Variants in GPAT3 observed in about 807,000 individuals in gnomAD.
GPAT3 encodes the protein glycerol-3-phosphate acyltransferase 3.
GPAT3 carries 53 observed loss-of-function variants against 58.8 expected under a neutral mutation model. The observed-to-expected ratio is 0.90, with a 90% confidence interval of 0.72 to 1.13. The LOEUF is 1.13. Among genes scored for constraint, GPAT3 ranks in the 50% most tolerant of loss-of-function variants. The pLI is 0.00. For synonymous variants in GPAT3, 197 were observed against 187.4 expected, an observed-to-expected ratio of 1.05 and a Z score of -0.42; for missense variants, 511 against 527.6, an observed-to-expected ratio of 0.97 and a Z score of 0.31.
rs574446177 is a variant in GPAT3, at chr4:83,555,417, T to A, written c.208+10815T>A. Among the ~76,000 whole-genome samples, 15 of 152,068 alleles carry A rather than the reference T, an allele frequency of 9.9e-5. No homozygotes were observed. In the East Asian group the frequency reaches 2.9e-3, roughly 29 times the overall value. ...CATTTAATCATTTTATGGAAGCTGA[T>A]GTCATGAAGCTTCCATAAAAACTAA... On this transcript the variant is annotated intron_variant, in intron 2 of 11. Coordinates refer to ENST00000264409, the MANE Select transcript of GPAT3 (RefSeq NM_032717.5).
At chr4:83,575,181 A>C (rs927570451) in intron 2 of GPAT3, among the ~76,000 whole-genome samples, 7 of 151,846 alleles carry the variant, frequency 4.6e-5, no homozygotes, top group African/African-American at 1.7e-4. Context: ...CGGCCAACGG[A>C]CATTTCTTGA....
chr4:83,581,586 C>A lies in GPAT3; in HGVS notation c.233C>A (p.Pro78His), dbSNP rs1441112753. The A allele has an allele frequency of 2.5e-6, 4 of 1,613,830 alleles. No homozygotes were observed. Among genetic ancestry groups the A allele is most frequent in the Non-Finnish European group, 3.4e-6 (4 of 1,179,978 alleles). The change falls in exon 3 of 12, where the codon CCC becomes CAC. Residue 78 changes from proline (P) to histidine (H), a missense_variant. Physicochemically the swap from Pro to His is moderately conservative, Grantham distance 77. Coordinates refer to ENST00000264409, the MANE Select transcript of GPAT3 (RefSeq NM_032717.5). Reference protein sequence around the residue: ...SVGIIQRDESPMEKGLSGLRG... With the variant: ...SVGIIQRDESHMEKGLSGLRG... ...GGTATTATCCAAAGAGATGAGTCAC[C>A]CATGGAAAAAGGGCTCTCTGGTCTA...
chr4:83,598,746 T>C (rs1286824815), intron 11 of GPAT3, 23 bp downstream of exon 11: 3 of 430,746 alleles, frequency 7.0e-6, no homozygotes, highest in Non-Finnish European at 8.8e-6. Flanking sequence ...TCAGAAGTAC[T>C]ATCACTTTTT....
Position 83,604,733 on chromosome 4 carries a change from G to A in GPAT3, c.1271G>A (p.Ser424Asn). The change falls in exon 12 of 12, where the codon AGC (serine) becomes AAC (asparagine). Residue 424 changes from serine (S) to asparagine (N), a missense_variant. Physicochemically the swap from Ser to Asn is conservative, Grantham distance 46. Transcript: ENST00000264409. ...IFKEEQQKNY[S>N]KMIVGNGSLS ...AAGGAAGAGCAGCAGAAAAATTACA[G>A]CAAGATGATTGTGGGCAATGGATCT... 6.2e-7 allele frequency: 1 copy of A among 1,613,998 alleles called. No homozygotes were observed. Among genetic ancestry groups the A allele is most frequent in the Non-Finnish European group, 8.5e-7 (1 of 1,179,938 alleles).
At chr4:83,540,370 T>C (rs1032708912) in intron 1 of GPAT3, among the ~76,000 whole-genome samples, 1 of 152,178 alleles carries the variant, frequency 6.6e-6, no homozygotes, top group African/African-American at 2.4e-5. Context: ...CAGAGCTGCC[T>C]CTTTTGTGAT....
intron 2 of GPAT3, among the ~76,000 whole-genome samples, chr4:83,566,293 C>T (rs1725379373): frequency 6.6e-6 from 1 of 152,154 alleles, no homozygotes; most frequent in Admixed American, 6.5e-5. Context: ...CCTGCCTGGG[C>T]CTCCCAAAGT....
intron 2 of GPAT3, among the ~76,000 whole-genome samples, chr4:83,568,229 G>A (rs1329823526): frequency 4.6e-5 from 7 of 152,002 alleles, no homozygotes; most frequent in African/African-American, 1.5e-4. Flanking sequence ...TAGGGGGAGC[G>A]TGAGTAGTTT....
rs36115990 is a variant in GPAT3, at chr4:83,549,166, G to GAA, written c.208+4577_208+4578dup. Among the ~76,000 whole-genome samples, 437 of 128,110 alleles carry GAA rather than the reference G, an allele frequency of 3.4e-3. 3 individuals are homozygous for GAA. Among genetic ancestry groups the GAA allele is most frequent in the African/African-American group, 0.01 (361 of 34,838 alleles). 84.0% of individuals were successfully genotyped at this position (128,110 alleles called of 152,430 possible). A position where few individuals can be genotyped will look rare whatever the true frequency, so the allele number is the denominator to read the frequency against. On this transcript the variant is annotated intron_variant, in intron 2 of 11. Transcript: ENST00000264409. ...CAGGGCAAAATAGTGAGACCCATCTGAAAAAAAAAAAAAAGAAAATTGAGG... is the reference window on the plus strand; with the variant it reads ...CAGGGCAAAATAGTGAGACCCATCTGAAAAAAAAAAAAAAAAGAAAATTGAGG...
chr4:83,543,424 G>A (rs1180910321), intron 1 of GPAT3, among the ~76,000 whole-genome samples: 1 of 152,184 alleles, frequency 6.6e-6, no homozygotes, highest in Non-Finnish European at 1.5e-5. Flanking sequence ...TTTGGGAAAT[G>A]TGTAAAAAAT....
chr4:83,535,831 T>C, upstream of GPAT3: 11 of 985,400 alleles, frequency 1.1e-5, no homozygotes, highest in Non-Finnish European at 1.2e-5. Flanking sequence ...AGAGTTCGTT[T>C]TACACCCACA....
chr4:83,547,897 A>C, intron 2 of GPAT3, among the ~76,000 whole-genome samples: 1 of 143,742 alleles, frequency 7.0e-6, no homozygotes, highest in Non-Finnish European at 1.5e-5. Context: ...GTATTGTGCC[A>C]AATTCCTGGC....
intron 2 of GPAT3, among the ~76,000 whole-genome samples, chr4:83,577,210 A>G (rs1360457789): frequency 6.6e-6 from 1 of 152,246 alleles, no homozygotes; most frequent in Non-Finnish European, 1.5e-5. Flanking sequence ...ATCTTGAAAG[A>G]CAAAGGAAGG....
At chr4:83,550,240 C>T (rs1253178691) in intron 2 of GPAT3, among the ~76,000 whole-genome samples, 1 of 151,832 alleles carries the variant, frequency 6.6e-6, no homozygotes, top group African/African-American at 2.4e-5. Context: ...ACCATGTTGC[C>T]CAGGCTGGTC....
chr4:83,586,408 C>T (rs555544768), intron 3 of GPAT3, among the ~76,000 whole-genome samples: 19 of 152,170 alleles, frequency 1.2e-4, no homozygotes, highest in Non-Finnish European at 2.5e-4. Context: ...TATTGAATAC[C>T]TCACGCATTC....
At chr4:83,546,814 A>G (rs1724535684) in intron 2 of GPAT3, among the ~76,000 whole-genome samples, 1 of 152,126 alleles carries the variant, frequency 6.6e-6, no homozygotes, top group Non-Finnish European at 1.5e-5. Flanking sequence ...TTCGGCTCTG[A>G]TATGTACTGC....
At chr4:83,592,525 A>C (rs1262942194) in intron 6 of GPAT3, among the ~76,000 whole-genome samples, 1 of 152,228 alleles carries the variant, frequency 6.6e-6, no homozygotes, top group East Asian at 1.9e-4. Flanking sequence ...TGTAGTATAC[A>C]ACAGATGTTT....
chr4:83,537,345 TC>T (rs1724136560), intron 1 of GPAT3, among the ~76,000 whole-genome samples: 1 of 152,196 alleles, frequency 6.6e-6, no homozygotes, highest in South Asian at 2.1e-4. Context: ...ACCTCAGGTC[TC>T]CCTACCCTCC....
At chr4:83,562,222 T>TA (rs1403097605) in intron 2 of GPAT3, among the ~76,000 whole-genome samples, 14 of 69,534 alleles carry the variant, frequency 2.0e-4, no homozygotes, top group South Asian at 9.2e-4. Context: ...TATATATATA[T>TA]ATAATATATA....
intron 2 of GPAT3, among the ~76,000 whole-genome samples, chr4:83,576,937 C>T (rs923512081): frequency 1.3e-5 from 2 of 152,044 alleles, no homozygotes; most frequent in African/African-American, 2.4e-5. Flanking sequence ...TAAGTACTTA[C>T]TTATTAATCA....
Sources: allele counts gnomAD v4.1 joint callset (sites outside exome capture counted in the v4.1 genomes callset), GRCh38; gene constraint gnomAD v4.1.1; transcripts MANE v1.5; gene names NCBI Gene and HGNC (gene_info 2026-07-23, HGNC 2026-07-21).